Variants in SLCO1C1 observed in about 807,000 individuals in gnomAD.
SLCO1C1 encodes OAT-RP-5.
Under a neutral mutation model 76.4 loss-of-function variants are expected in SLCO1C1, and 70 were observed. The observed-to-expected ratio is 0.92, with a 90% CI of 0.76 to 1.12. The LOEUF is 1.12. Among genes scored for constraint, SLCO1C1 ranks in the 50% most tolerant of loss-of-function variants. The probability of loss-of-function intolerance (pLI) is 0.00; values close to 1 mark genes in which losing one functional copy is unlikely to be tolerated. For missense variants in SLCO1C1, 912 were observed against 823.8 expected (o/e 1.11, Z -1.31); for synonymous variants, 306 against 286.1 (o/e 1.07, Z -0.70).
chr12:20,698,949 A>G (rs145875632), intron 1 of SLCO1C1, among the ~76,000 whole-genome samples: 15 of 152,146 alleles, frequency 9.9e-5, no homozygotes, highest in African/African-American at 3.6e-4. Context: ...CTGATCAAAG[A>G]CTGTTCTTTC....
chr12:20,711,028 TG>T (rs1947070022), intron 4 of SLCO1C1, among the ~76,000 whole-genome samples: 1 of 152,130 alleles, frequency 6.6e-6, no homozygotes, highest in African/African-American at 2.4e-5. Context: ...AGAATTGTCT[TG>T]GGCCACACAT....
At chr12:20,701,091 C>A (rs1294224864) in intron 2 of SLCO1C1, among the ~76,000 whole-genome samples, 1 of 152,030 alleles carries the variant, frequency 6.6e-6, no homozygotes, top group Non-Finnish European at 1.5e-5. Context: ...CGCATAAAAA[C>A]CAAATATATA....
intron 11 of SLCO1C1, 54 bp downstream of exon 11, chr12:20,737,326 C>A (rs1174341613): frequency 7.3e-6 from 11 of 1,508,022 alleles, no homozygotes; most frequent in Non-Finnish European, 8.8e-7. Flanking sequence ...ATATAAACAA[C>A]AAAACTCTAT....
rs186862963 is a variant in SLCO1C1, at chr12:20,702,579, T to C, written c.271+1120T>C. On this transcript the variant is annotated intron_variant, in intron 3 of 14. Coordinates refer to ENST00000266509, the MANE Select transcript of SLCO1C1 (RefSeq NM_017435.5). ...ATGCTTCTAGTCAGTAGATCACATT[T>C]TGTGTAGCAGGTTTCCAAAACATCT... Among the ~76,000 whole-genome samples, 826 of 152,010 alleles carry C rather than the reference T, an allele frequency of 5.4e-3. 5 individuals are homozygous for C. The highest frequency in any genetic ancestry group is 0.019 in the African/African-American group (774 of 41,546).
At chr12:20,724,804 TCTG>T (rs1334239363) in intron 9 of SLCO1C1, among the ~76,000 whole-genome samples, 15 of 147,094 alleles carry the variant, frequency 1.0e-4, no homozygotes, top group African/African-American at 3.7e-4. Flanking sequence ...TGTGTTGTTT[TCTG>T]CTTTCAACTA....
intron 12 of SLCO1C1, among the ~76,000 whole-genome samples, chr12:20,741,489 CCTA>C (rs1948813891): frequency 6.6e-6 from 1 of 151,858 alleles, no homozygotes; most frequent in Admixed American, 6.6e-5. Flanking sequence ...ATTAATGGGA[CCTA>C]AAAAATAGTG....
At chr12:20,717,099 CTTTTT>C (rs3983551) in intron 6 of SLCO1C1, 28 bp from the exon 7 acceptor site, 1 of 1,259,726 alleles carries the variant, frequency 7.9e-7, no homozygotes, top group Non-Finnish European at 1.1e-6. Context: ...GAAATGACAG[CTTTTT>C]TTTTTTCCTT....
rs142104371 is a variant in SLCO1C1 at position 20,750,748 on chromosome 12, T to C, written c.1872T>C (p.Cys624=). 1.2e-4 allele frequency: 200 copies of C among 1,614,024 alleles called. 3 individuals are homozygous for C. The African/African-American group carries it at 2.3e-3, about 19-fold the overall frequency. Residue 624 remains cysteine, a synonymous_variant, in exon 14 of 15, where the codon TGT becomes TGC. Coordinates refer to ENST00000266509, the MANE Select transcript of SLCO1C1 (RefSeq NM_017435.5). ...GCCTCAAATGGGGATTTAAAAGATGTGGAAGTAGAGGATCATGCAGATTAT... is the reference window on the plus strand; with the variant it reads ...GCCTCAAATGGGGATTTAAAAGATGCGGAAGTAGAGGATCATGCAGATTAT... ...TSCLKWGFKR[C]GSRGSCRLYD... is the part of the protein sequence containing the mutation.
intron 3 of SLCO1C1, among the ~76,000 whole-genome samples, chr12:20,704,956 A>G (rs1946704514): frequency 6.6e-6 from 1 of 151,950 alleles, no homozygotes; most frequent in African/African-American, 2.4e-5. Context: ...TCTAGGAATC[A>G]TCTCCATCAA....
At chr12:20,727,188 ATACTT>A (rs1251566923) in intron 9 of SLCO1C1, among the ~76,000 whole-genome samples, 1 of 152,130 alleles carries the variant, frequency 6.6e-6, no homozygotes, top group African/African-American at 2.4e-5. Flanking sequence ...TTTTGATAGA[ATACTT>A]TATTTTCTTT....
intron 10 of SLCO1C1, among the ~76,000 whole-genome samples, chr12:20,736,102 A>G (rs1948523940): frequency 6.6e-6 from 1 of 152,150 alleles, no homozygotes; most frequent in Non-Finnish European, 1.5e-5. Flanking sequence ...GATAGAAATG[A>G]CATACCATTG....
intron 8 of SLCO1C1, 128 bp downstream of exon 8, chr12:20,722,177 G>T: frequency 8.0e-7 from 1 of 1,245,068 alleles, no homozygotes; most frequent in South Asian, 1.6e-5. Context: ...AGCAAAAATG[G>T]AAATTGATGT....
intron 5 of SLCO1C1, among the ~76,000 whole-genome samples, chr12:20,714,155 T>G (rs1471008716): frequency 1.3e-5 from 2 of 152,214 alleles, no homozygotes; most frequent in East Asian, 3.9e-4. Context: ...CCCAAAGGTG[T>G]TCACCTTAGT....
chr12:20,703,465 C>T (rs1240881307), intron 3 of SLCO1C1, among the ~76,000 whole-genome samples: 1 of 151,792 alleles, frequency 6.6e-6, no homozygotes, highest in African/African-American at 2.4e-5. Flanking sequence ...TGAAGAGAAG[C>T]ATTTACAATG....
intron 11 of SLCO1C1, among the ~76,000 whole-genome samples, chr12:20,737,485 G>T (rs949108672): frequency 1.3e-5 from 2 of 152,086 alleles, no homozygotes; most frequent in African/African-American, 4.8e-5. Flanking sequence ...CATCAAATAG[G>T]GTGGAAGAGA....
At chr12:20,705,907 C>G (rs781191629) in intron 3 of SLCO1C1, 42 bp from the exon 4 acceptor site, 24 of 1,599,104 alleles carry the variant, frequency 1.5e-5, no homozygotes, top group Middle Eastern at 1.7e-4. Context: ...TGACTTCTTT[C>G]TAAGTTCTCT....
intron 2 of SLCO1C1, 28 bp from the exon 3 acceptor site, chr12:20,701,290 A>G: frequency 6.8e-7 from 1 of 1,463,780 alleles, no homozygotes; most frequent in Non-Finnish European, 9.2e-7. Flanking sequence ...CTGGAGTCAG[A>G]CTAAGTGTGA....
chr12:20,704,455 T>C (rs909946773), intron 3 of SLCO1C1, among the ~76,000 whole-genome samples: 2 of 151,828 alleles, frequency 1.3e-5, no homozygotes, highest in African/African-American at 2.4e-5. Context: ...AACAAACATA[T>C]AGATAGAATT....
At chr12:20,720,997 C>CAAAAAAAA (rs35297084) in intron 7 of SLCO1C1, among the ~76,000 whole-genome samples, 4 of 43,984 alleles carry the variant, frequency 9.1e-5, no homozygotes, top group African/African-American at 1.9e-4. Flanking sequence ...AACTCCATCT[C>CAAAAAAAA]AAAAAAAAAA....
Sources: allele counts gnomAD v4.1 joint callset (sites outside exome capture counted in the v4.1 genomes callset), GRCh38; gene constraint gnomAD v4.1.1; transcripts MANE v1.5; gene names NCBI Gene and HGNC (gene_info 2026-07-23, HGNC 2026-07-21).